Variants in SUMF1 observed in about 807,000 individuals in gnomAD.
The protein encoded by SUMF1 is formylglycine-generating enzyme.
SUMF1 carries 48 observed loss-of-function variants against 47.6 expected under a neutral mutation model. The observed-to-expected ratio is 1.01, with a 90% CI of 0.80 to 1.28. The LOEUF is 1.28. Ranked by LOEUF, SUMF1 falls within the 50% of genes most tolerant of loss-of-function variation. The probability of loss-of-function intolerance (pLI) is 0.00; values close to 1 mark genes in which losing one functional copy is unlikely to be tolerated. For missense variants in SUMF1, 571 were observed against 485.4 expected, an observed-to-expected ratio of 1.18 and a Z score of -1.66; for synonymous variants, 230 against 192.1, an observed-to-expected ratio of 1.20 and a Z score of -1.63.
intron 8 of SUMF1, among the ~76,000 whole-genome samples, chr3:4,128,796 G>A (rs1172330889): frequency 6.6e-6 from 1 of 152,286 alleles, no homozygotes; most frequent in East Asian, 1.9e-4. Flanking sequence ...GGATAATGGT[G>A]GAAGGAACAT....
intron 8 of SUMF1, among the ~76,000 whole-genome samples, chr3:4,245,999 C>T (rs558047724): frequency 3.3e-5 from 5 of 152,336 alleles, no homozygotes; most frequent in African/African-American, 9.6e-5. Context: ...GCTCCAGCGT[C>T]CCAGGTCAAT....
Position 4,146,621 on chromosome 3 carries a change from G to A in SUMF1, c.1015-77876C>T, listed in dbSNP as rs1009524466. 2.0e-5 allele frequency among the ~76,000 whole-genome samples: 3 copies of A among 151,606 alleles called. 1 individual carries two copies. The highest frequency in any genetic ancestry group is 4.2e-4 in the South Asian group (2 of 4,762). On this transcript the variant is annotated intron_variant and NMD_transcript_variant, in intron 8 of 12. Transcript: ENST00000448413. ...TACATATGTATACATGTGCCATGTT[G>A]GTGTGCTGCACCCAGTAACTCGTCA...
Position 4,335,828 on chromosome 3 carries a change from C to T in SUMF1, c.1014+40502G>A, listed in dbSNP as rs148779662. Among the ~76,000 whole-genome samples the T allele has an allele frequency of 5.8e-4, 88 of 151,802 alleles. No homozygotes were observed. In the East Asian group the frequency reaches 0.011, roughly 19 times the overall value. The stretch of plus-strand genomic sequence containing the variant: ...TACAAAAATTAGCCCAGTGTGGTGG[C>T]GGGCACATGTAATCCCAGCTACTCA... On this transcript the variant is annotated intron_variant and NMD_transcript_variant, in intron 8 of 12. Coordinates refer to the SUMF1 transcript ENST00000448413.
At chr3:4,280,123 G>A (rs894131625) in intron 8 of SUMF1, among the ~76,000 whole-genome samples, 2 of 152,118 alleles carry the variant, frequency 1.3e-5, no homozygotes, top group African/African-American at 2.4e-5. Context: ...ATGTGAGGTA[G>A]TACAGATGTT....
At chr3:4,390,697 C>G (rs1700832914) in intron 7 of SUMF1, among the ~76,000 whole-genome samples, 1 of 152,170 alleles carries the variant, frequency 6.6e-6, no homozygotes, top group African/African-American at 2.4e-5. Context: ...ATCTTTCCAC[C>G]TAAGCCTCCT....
intron 6 of SUMF1, among the ~76,000 whole-genome samples, chr3:4,411,424 G>C (rs1382791182): frequency 6.6e-6 from 1 of 152,138 alleles, no homozygotes; most frequent in Non-Finnish European, 1.5e-5. Context: ...CCCCAAGTCA[G>C]TTAGCTCTGT....
At chr3:4,204,911 G>A (rs1206895832) in intron 8 of SUMF1, among the ~76,000 whole-genome samples, 1 of 151,502 alleles carries the variant, frequency 6.6e-6, no homozygotes, top group East Asian at 1.9e-4. Context: ...GAATTTTGTT[G>A]AGCTTCCTCA....
downstream of SUMF1, among the ~76,000 whole-genome samples, chr3:4,357,672 G>A (rs969674965): frequency 2.6e-5 from 4 of 151,710 alleles, no homozygotes; most frequent in Non-Finnish European, 4.4e-5. Flanking sequence ...GCAATGGCGC[G>A]ATCTCGGCTC....
intron 8 of SUMF1, among the ~76,000 whole-genome samples, chr3:4,110,011 G>A (rs1433708559): frequency 6.6e-6 from 1 of 152,116 alleles, no homozygotes; most frequent in African/African-American, 2.4e-5. Flanking sequence ...CTGATTTTTA[G>A]AGTTTCCAGT....
At chr3:4,371,195 A>C (rs765968409) in intron 8 of SUMF1, among the ~76,000 whole-genome samples, 5 of 152,192 alleles carry the variant, frequency 3.3e-5, no homozygotes, top group African/African-American at 4.8e-5. Flanking sequence ...TTTAGCAGCA[A>C]AAGTGGTTCT....
chr3:4,228,390 GA>G (rs1031532207), intron 8 of SUMF1, among the ~76,000 whole-genome samples: 8 of 151,524 alleles, frequency 5.3e-5, no homozygotes, highest in African/African-American at 1.9e-4. Context: ...TCCTAGATTA[GA>G]AAAAAAAGCA....
intron 1 of SUMF1, among the ~76,000 whole-genome samples, chr3:4,455,337 A>G (rs949985354): frequency 1.3e-5 from 2 of 152,246 alleles, no homozygotes; most frequent in Non-Finnish European, 2.9e-5. Context: ...ATAAATTCCT[A>G]GAAACATACA....
intron 8 of SUMF1, among the ~76,000 whole-genome samples, chr3:4,149,275 A>T (rs1042944354): frequency 1.3e-5 from 2 of 152,172 alleles, no homozygotes; most frequent in Non-Finnish European, 2.9e-5. Context: ...GGGAAAGAAG[A>T]ATCACTGAAC....
At chr3:4,452,724 A>G in intron 2 of SUMF1, 152 bp downstream of exon 2, 1 of 1,009,320 alleles carries the variant, frequency 9.9e-7, no homozygotes, top group Non-Finnish European at 1.5e-6. Context: ...GGTTGCTGTG[A>G]GAAATTAAGA....
intron 8 of SUMF1, among the ~76,000 whole-genome samples, chr3:4,185,494 TATATGAG>T (rs2125137376): frequency 6.6e-6 from 1 of 152,338 alleles, no homozygotes; most frequent in African/African-American, 2.4e-5. Flanking sequence ...CCTCAACAGA[TATATGAG>T]AGTCTACAAT....
At chr3:4,303,833 G>C in intron 8 of SUMF1, 2 of 1,353,756 alleles carry the variant, frequency 1.5e-6, no homozygotes, top group Non-Finnish European at 2.0e-6. Context: ...CACGGGGGGA[G>C]TCATTTACCT....
intron 8 of SUMF1, among the ~76,000 whole-genome samples, chr3:4,121,544 G>A (rs1459352700): frequency 6.6e-6 from 1 of 152,032 alleles, no homozygotes; most frequent in Non-Finnish European, 1.5e-5. Flanking sequence ...AACCACCATT[G>A]AGGCTCCTTG....
At position 4,361,178 on chromosome 3, in the gene SUMF1, T is replaced by A. The variant is rs565092493; in HGVS notation, c.*966A>T. ...TAGCAGATACGTTTATTCAACACAGTGCATGATTCAAAGCATCGGATATTC... is the reference window on the plus strand; with the variant it reads ...TAGCAGATACGTTTATTCAACACAGAGCATGATTCAAAGCATCGGATATTC... On this transcript the variant is annotated 3_prime_UTR_variant, in exon 9 of 9. Coordinates refer to ENST00000272902, the MANE Select transcript of SUMF1 (RefSeq NM_182760.4). 2.0e-5 allele frequency: 3 copies of A among 152,544 alleles called. No individual in the cohort carries two copies. The highest frequency in any genetic ancestry group is 7.2e-5 in the African/African-American group (3 of 41,578). 9.4% of individuals were successfully genotyped at this position (152,544 alleles called of 1,614,324 possible). A position where few individuals can be genotyped will look rare whatever the true frequency, so the allele number is the denominator to read the frequency against.
chr3:4,130,636 G>C (rs1220842036), intron 8 of SUMF1, among the ~76,000 whole-genome samples: 1 of 152,010 alleles, frequency 6.6e-6, no homozygotes, highest in African/African-American at 2.4e-5. Flanking sequence ...CAATTTTTAG[G>C]GGTCCAGTAG....
Sources: gnomAD v4.1 joint callset for allele counts (sites outside exome capture counted in the v4.1 genomes callset) on GRCh38, gnomAD v4.1.1 for gene constraint, MANE v1.5 for transcripts, NCBI Gene and HGNC (gene_info 2026-07-23, HGNC 2026-07-21) for gene names.